The following CTIF variants were observed in gnomAD, a reference collection of about 807,000 sequenced individuals.
The protein encoded by CTIF is CBP80/20-dependent translation initiation factor.
In CTIF, 21 loss-of-function variants were observed where a neutral mutation model predicts 66.0. The observed-to-expected ratio is 0.32, with a 90% CI of 0.23 to 0.46. The LOEUF is 0.46. Among genes scored for constraint, CTIF ranks in the 20% least tolerant of loss-of-function variants. The pLI is 1.00. For synonymous variants in CTIF, 345 were observed against 326.4 expected, an observed-to-expected ratio of 1.06 and a Z score of -0.62; for missense variants, 739 against 812.7, an observed-to-expected ratio of 0.91 and a Z score of 1.10.
At chr18:48,600,068 C>T (rs2090062868) in intron 1 of CTIF, among the ~76,000 whole-genome samples, 1 of 152,182 alleles carries the variant, frequency 6.6e-6, no homozygotes, top group African/African-American at 2.4e-5. Flanking sequence ...TCCTCACTGT[C>T]AATTGGAGAG....
intron 7 of CTIF, among the ~76,000 whole-genome samples, chr18:48,736,050 A>T (rs889768511): frequency 2.6e-5 from 4 of 152,124 alleles, no homozygotes; most frequent in Admixed American, 6.5e-5. Context: ...CATAGAAGCG[A>T]CTGTTCCTTC....
At chr18:48,550,130 C>T (rs962132790) in intron 1 of CTIF, among the ~76,000 whole-genome samples, 6 of 152,170 alleles carry the variant, frequency 3.9e-5, no homozygotes, top group Admixed American at 6.5e-5. Context: ...CCATGGATGC[C>T]TTTTTTGTGG....
At chr18:48,654,326 C>T (rs934086954) in intron 3 of CTIF, among the ~76,000 whole-genome samples, 12 of 152,164 alleles carry the variant, frequency 7.9e-5, no homozygotes, top group African/African-American at 2.2e-4. Flanking sequence ...TATGAACAGA[C>T]GCTTCTCAAA....
At chr18:48,546,871 C>T (rs951139388) in intron 1 of CTIF, among the ~76,000 whole-genome samples, 1 of 152,082 alleles carries the variant, frequency 6.6e-6, no homozygotes, top group African/African-American at 2.4e-5. Context: ...AAAAATCTTC[C>T]CTAGAAATGT....
intron 9 of CTIF, among the ~76,000 whole-genome samples, chr18:48,769,704 T>C (rs1909919251): frequency 6.6e-6 from 1 of 152,268 alleles, no homozygotes; most frequent in Non-Finnish European, 1.5e-5. Flanking sequence ...AGAGCCACAG[T>C]GGATAGGAGC....
chr18:48,629,637 A>G (rs2090666527), intron 2 of CTIF, among the ~76,000 whole-genome samples: 1 of 68,532 alleles, frequency 1.5e-5, no homozygotes, highest in African/African-American at 7.8e-5. Context: ...TGTTTAGAGC[A>G]AAAAAAAAAA....
In CTIF at chr18:48,782,960, T is replaced by G. The variant is rs182148462; in HGVS notation, c.1371+21271T>G. On this transcript the variant is annotated intron_variant, in intron 9 of 11. Coordinates refer to ENST00000256413, the MANE Select transcript of CTIF (RefSeq NM_014772.3). ...AGTGGGAAGTGGGGAGCTTCGCCTG[T>G]AGACCCTTCTCCCCTGCCCAGGCCT... is the stretch of plus-strand genomic sequence containing the variant. Among the ~76,000 whole-genome samples the G allele has an allele frequency of 3.5e-3, 531 of 152,348 alleles. 3 individuals carry two copies. In the Middle Eastern group the frequency reaches 0.041, roughly 12 times the overall value.
intron 3 of CTIF, among the ~76,000 whole-genome samples, chr18:48,637,198 G>A (rs2090839225): frequency 6.6e-6 from 1 of 152,212 alleles, no homozygotes; most frequent in African/African-American, 2.4e-5. Context: ...CCAACCAACA[G>A]TCCTGGGACC....
At chr18:48,672,829 TAGC>T (rs1164052023) in intron 6 of CTIF, among the ~76,000 whole-genome samples, 1 of 152,020 alleles carries the variant, frequency 6.6e-6, no homozygotes, top group Non-Finnish European at 1.5e-5. Flanking sequence ...TCGGACTCCT[TAGC>T]AGGCAGGAGG....
intron 9 of CTIF, among the ~76,000 whole-genome samples, chr18:48,813,597 A>G (rs538747352): frequency 3.8e-4 from 58 of 152,290 alleles, no homozygotes; most frequent in African/African-American, 1.3e-3. Context: ...TGGCTTCATG[A>G]GCTCATCTCA....
intron 1 of CTIF, among the ~76,000 whole-genome samples, chr18:48,598,188 G>A (rs973065356): frequency 6.6e-6 from 1 of 152,132 alleles, no homozygotes; most frequent in Non-Finnish European, 1.5e-5. Flanking sequence ...GTCTTACCAG[G>A]GCTCCAGATT....
In CTIF at chr18:48,548,334, A is replaced by G. The variant is rs549812787; in HGVS notation, c.-29+9022A>G. On this transcript the variant is annotated intron_variant, in intron 1 of 11. Transcript: ENST00000256413. ...GCTGAGATACTTACACGTTTGAACC[A>G]TGAGATCAAGAAAGTGACCTGCTAG... Among the ~76,000 whole-genome samples, 270 of 152,354 alleles carry G rather than the reference A, an allele frequency of 1.8e-3. 1 individual carries two copies. The highest frequency in any genetic ancestry group is 6.0e-3 in the African/African-American group (249 of 41,580).
rs115877509 is a variant in CTIF, at chr18:48,829,457, C to T, written c.1527+12081C>T. ...TGCAAAAAATGGCCATCAGTTACTC[C>T]AGGTAACTCAGAAGTCAAAATATAA... On this transcript the variant is annotated intron_variant, in intron 10 of 11. Coordinates refer to ENST00000256413, the MANE Select transcript of CTIF (RefSeq NM_014772.3). Among the ~76,000 whole-genome samples, 1,494 of 152,304 alleles carry T rather than the reference C, an allele frequency of 9.8e-3. 21 individuals are homozygous for T. The highest frequency in any genetic ancestry group is 0.033 in the African/African-American group (1,388 of 41,550).
intron 1 of CTIF, among the ~76,000 whole-genome samples, chr18:48,570,242 G>A (rs1218199852): frequency 6.6e-6 from 1 of 152,196 alleles, no homozygotes; most frequent in Non-Finnish European, 1.5e-5. Context: ...AGAGAAGCAG[G>A]TCATGATTCT....
intron 7 of CTIF, among the ~76,000 whole-genome samples, chr18:48,729,754 T>C (rs2092420698): frequency 6.6e-6 from 1 of 152,140 alleles, no homozygotes; most frequent in Non-Finnish European, 1.5e-5. Flanking sequence ...GGGAGGGTGG[T>C]CCTGCCTCGG....
At chr18:48,681,303 C>G (rs1371693669) in intron 6 of CTIF, among the ~76,000 whole-genome samples, 1 of 152,210 alleles carries the variant, frequency 6.6e-6, no homozygotes, top group African/African-American at 2.4e-5. Context: ...GCCTCCACTT[C>G]CCAGGCTGGG....
chr18:48,722,206 C>CTTTTTT (rs34736291), intron 7 of CTIF, among the ~76,000 whole-genome samples: 20 of 81,068 alleles, frequency 2.5e-4, no homozygotes, highest in East Asian at 1.0e-3. Context: ...TGGCCCTGTG[C>CTTTTTT]TTTTTTTTTT....
chr18:48,672,079 G>A (rs1412664598), intron 6 of CTIF, among the ~76,000 whole-genome samples: 1 of 124,892 alleles, frequency 8.0e-6, no homozygotes, highest in African/African-American at 3.2e-5. Flanking sequence ...GGCTGATAAT[G>A]CTCCTGGCTT....
At chr18:48,642,236 A>C (rs887735051) in intron 3 of CTIF, among the ~76,000 whole-genome samples, 2 of 152,186 alleles carry the variant, frequency 1.3e-5, no homozygotes, top group Admixed American at 1.3e-4. Context: ...ACACAGAACA[A>C]GATGACAACA....
Sources: gnomAD v4.1 joint callset for allele counts (sites outside exome capture counted in the v4.1 genomes callset) on GRCh38, gnomAD v4.1.1 for gene constraint, MANE v1.5 for transcripts, NCBI Gene and HGNC (gene_info 2026-07-23, HGNC 2026-07-21) for gene names.